Variants in KANSL1 observed in about 807,000 individuals in gnomAD.
KANSL1 encodes the protein KAT8 regulatory NSL complex subunit 1.
KANSL1 carries 22 observed loss-of-function variants against 103.6 expected under a neutral mutation model. The ratio of observed to expected loss-of-function variants is 0.21; its 90% CI spans 0.15 to 0.30. The LOEUF is 0.30. KANSL1 is among the 10% of genes least tolerant of loss of function. The probability of loss-of-function intolerance (pLI) is 1.00; values close to 1 mark genes in which losing one functional copy is unlikely to be tolerated. For synonymous variants in KANSL1, 600 were observed against 527.6 expected (o/e 1.14, Z -1.88); for missense variants, 1,337 against 1,399.8 (o/e 0.96, Z 0.72).
At position 46,030,743 on chromosome 17, in the gene KANSL1, G is replaced by A. The variant is rs1384251780; in HGVS notation, c.*733C>T. The A allele has an allele frequency of 6.6e-6, 1 of 152,308 alleles. No individual in the cohort carries two copies. The highest frequency in any genetic ancestry group is 2.4e-5 in the African/African-American group (1 of 41,370). 9.4% of individuals were successfully genotyped at this position (152,308 alleles called of 1,614,324 possible). A position where few individuals can be genotyped will look rare whatever the true frequency, so the allele number is the denominator to read the frequency against. On this transcript the variant is annotated 3_prime_UTR_variant, in exon 15 of 15. Transcript: ENST00000432791. Reference sequence around the variant, plus strand: ...ATTCCAAGTGGAAGGACGGGTTGTGGGTGTGTACATGGCATGGGAGAGCAG... The same window carrying A: ...ATTCCAAGTGGAAGGACGGGTTGTGAGTGTGTACATGGCATGGGAGAGCAG...
chr17:46,151,824 A>G (rs1202053896), intron 2 of KANSL1, among the ~76,000 whole-genome samples: 1 of 152,254 alleles, frequency 6.6e-6, no homozygotes, highest in South Asian at 2.1e-4. Flanking sequence ...TTAGGGAATC[A>G]TTAATACCCA....
chr17:46,214,670 CA>C (rs2048285521), intron 1 of KANSL1, among the ~76,000 whole-genome samples: 2 of 151,146 alleles, frequency 1.3e-5, no homozygotes, highest in Admixed American at 1.3e-4. Flanking sequence ...AAAAAAGAAA[CA>C]AAAACAGCAA....
chr17:46,131,386 G>A (rs1423692529), intron 2 of KANSL1, among the ~76,000 whole-genome samples: 2 of 152,188 alleles, frequency 1.3e-5, no homozygotes, highest in Admixed American at 6.5e-5. Context: ...TTAAAGTTCA[G>A]CTCACTGATT....
intron 3 of KANSL1, among the ~76,000 whole-genome samples, chr17:46,084,218 C>CG (rs2079079527): frequency 6.7e-6 from 1 of 149,172 alleles, no homozygotes; most frequent in Non-Finnish European, 1.5e-5. Context: ...CCCATCTTTA[C>CG]TAAAAATACA....
chr17:46,037,387 A>G (rs546502003), intron 10 of KANSL1: 1 of 152,378 alleles, frequency 6.6e-6, no homozygotes, highest in African/African-American at 2.4e-5. Context: ...ATTGATTTGT[A>G]ACAGCAAAGA....
chr17:46,111,242 G>A (rs1197243543), intron 2 of KANSL1, among the ~76,000 whole-genome samples: 1 of 152,136 alleles, frequency 6.6e-6, no homozygotes, highest in Admixed American at 6.6e-5. Flanking sequence ...ATGGAGTTTC[G>A]CTCTGTCGTC....
Position 46,038,946 on chromosome 17 carries a change from T to C in KANSL1, c.2392+81A>G, listed in dbSNP as rs62062136. The C allele has an allele frequency of 0.19, 280,513 of 1,492,370 alleles. 30,245 individuals are homozygous for C. Among genetic ancestry groups the C allele is most frequent in the Non-Finnish European group, 0.22 (241,997 of 1,098,004 alleles). 92.4% of individuals were successfully genotyped at this position (1,492,370 alleles called of 1,614,324 possible). On this transcript the variant is annotated intron_variant, in intron 9 of 14. Transcript: ENST00000432791. Reference sequence around the variant, plus strand: ...AGAAAGTGAAGGACAAAGCTGGGGGTAATTAAGAGAAGCCTAGGCTGCCCC... The same window carrying C: ...AGAAAGTGAAGGACAAAGCTGGGGGCAATTAAGAGAAGCCTAGGCTGCCCC...
Position 46,031,268 on chromosome 17 carries a change from T to C in KANSL1, c.*208A>G, listed in dbSNP as rs763093998. ...ACTTCTGTTTGCCAACGGGAGGAAGTGCTCAGGTGTGTGACAAGAAAACAT... is the reference window on the plus strand; with the variant it reads ...ACTTCTGTTTGCCAACGGGAGGAAGCGCTCAGGTGTGTGACAAGAAAACAT... On this transcript the variant is annotated 3_prime_UTR_variant, in exon 15 of 15. Transcript: ENST00000432791. The C allele has an allele frequency of 1.6e-6, 1 of 608,046 alleles. No individual in the cohort carries two copies. Among genetic ancestry groups the C allele is most frequent in the Non-Finnish European group, 2.9e-6 (1 of 347,020 alleles). 37.7% of individuals were successfully genotyped at this position (608,046 alleles called of 1,614,324 possible).
chr17:46,153,365 ATAGTACACTCTTAT>A, intron 2 of KANSL1, among the ~76,000 whole-genome samples: 1 of 152,386 alleles, frequency 6.6e-6, no homozygotes, highest in East Asian at 1.9e-4. Flanking sequence ...ACTCGGTAAA[ATAGTACACTCTTAT>A]TAGTAACTTT....
At chr17:46,150,065 CAA>C (rs61494872) in intron 2 of KANSL1, among the ~76,000 whole-genome samples, 2,387 of 107,626 alleles carry the variant, frequency 0.022, 73 homozygotes, top group African/African-American at 0.085. Context: ...CTTTCCTTAC[CAA>C]AAAAAAAAAA....
chr17:46,211,257 G>T (rs1029249834), intron 1 of KANSL1, among the ~76,000 whole-genome samples: 2 of 149,964 alleles, frequency 1.3e-5, no homozygotes, highest in Admixed American at 1.3e-4. Flanking sequence ...GGGAGGGAGG[G>T]AGGACCAAAT....
intron 6 of KANSL1, among the ~76,000 whole-genome samples, chr17:46,057,065 G>C (rs2077958431): frequency 6.6e-6 from 1 of 152,116 alleles, no homozygotes; most frequent in African/African-American, 2.4e-5. Context: ...TTAAATATTA[G>C]TGGTGAGTCA....
intron 1 of KANSL1, among the ~76,000 whole-genome samples, chr17:46,207,751 G>T (rs1175959308): frequency 1.3e-5 from 2 of 152,194 alleles, no homozygotes; most frequent in Non-Finnish European, 2.9e-5. Flanking sequence ...GCCAAGGTGC[G>T]GGGACTGCTT....
chr17:46,188,089 CAAAT>C (rs2047115151), intron 1 of KANSL1, among the ~76,000 whole-genome samples: 1 of 152,180 alleles, frequency 6.6e-6, no homozygotes, highest in Non-Finnish European at 1.5e-5. Flanking sequence ...AAAAAAGAAA[CAAAT>C]AATAATAGTT....
intron 1 of KANSL1, among the ~76,000 whole-genome samples, chr17:46,219,956 A>G (rs148865768): frequency 0.012 from 1,875 of 151,662 alleles, 12 homozygotes; most frequent in African/African-American, 0.043. Flanking sequence ...ACAAAAAATT[A>G]GCCGGGCGTG....
intron 2 of KANSL1, among the ~76,000 whole-genome samples, chr17:46,167,314 A>T (rs1210905002): frequency 6.6e-6 from 1 of 152,244 alleles, no homozygotes; most frequent in Non-Finnish European, 1.5e-5. Flanking sequence ...AGAATATAAA[A>T]GAAAGAAGAG....
chr17:46,119,558 C>T (rs1251737260), intron 2 of KANSL1, among the ~76,000 whole-genome samples: 4 of 152,184 alleles, frequency 2.6e-5, no homozygotes, highest in South Asian at 4.1e-4. Context: ...CTGCCCACCT[C>T]GGCCTCCCAA....
intron 2 of KANSL1, among the ~76,000 whole-genome samples, chr17:46,152,498 A>G (rs890668310): frequency 6.6e-6 from 1 of 151,016 alleles, no homozygotes; most frequent in Non-Finnish European, 1.5e-5. Context: ...ATTTCCACCA[A>G]TTAATGTCCT....
chr17:46,188,140 A>AT (rs1431505288), intron 1 of KANSL1, among the ~76,000 whole-genome samples: 15 of 152,282 alleles, frequency 9.9e-5, no homozygotes, highest in Admixed American at 9.8e-4. Context: ...ATGACCCACA[A>AT]TCCTCCCCTC....
Sources: allele counts gnomAD v4.1 joint callset (sites outside exome capture counted in the v4.1 genomes callset), GRCh38; gene constraint gnomAD v4.1.1; transcripts MANE v1.5; gene names NCBI Gene and HGNC (gene_info 2026-07-23, HGNC 2026-07-21).